COL13A1: variants seen among roughly 807,000 people sequenced by gnomAD.
COL13A1 encodes the protein collagen type XIII alpha 1 chain.
In COL13A1, 89 loss-of-function variants were observed where a neutral mutation model predicts 130.9. The ratio of observed to expected loss-of-function variants is 0.68; its 90% confidence interval spans 0.57 to 0.81. The LOEUF is 0.81. Ranked by LOEUF, COL13A1 falls within the 30% of genes least tolerant of loss-of-function variation. COL13A1 has a pLI of 0.00. For synonymous variants in COL13A1, 402 were observed against 341.6 expected, an observed-to-expected ratio of 1.18 and a Z score of -1.95; for missense variants, 879 against 934.6, an observed-to-expected ratio of 0.94 and a Z score of 0.78.
chr10:69,881,685 A>G (rs1942452097), intron 7 of COL13A1, among the ~76,000 whole-genome samples: 1 of 152,174 alleles, frequency 6.6e-6, no homozygotes, highest in African/African-American at 2.4e-5. Context: ...CATGGCCTTT[A>G]CAGCAAGGTT....
intron 38 of COL13A1, among the ~76,000 whole-genome samples, chr10:69,952,638 G>A (rs1248999496): frequency 5.3e-5 from 8 of 152,188 alleles, no homozygotes; most frequent in Non-Finnish European, 8.8e-5. Flanking sequence ...CCCTGCACCT[G>A]CAGCTCTGAG....
chr10:69,925,863 G>C lies in COL13A1; in HGVS notation c.1389G>C (p.Glu463Asp), dbSNP rs1468525707. 6.3e-7 allele frequency: 1 copy of C among 1,594,378 alleles called. No homozygotes were observed. The highest frequency in any genetic ancestry group is 1.3e-5 in the African/African-American group (1 of 74,482). ...TGGATTACAATGGAAACATCAATGA[G>C]GCTCTCCAGGTGAGCAGGGTCCAGC... The part of the protein sequence containing the change: ...EMVDYNGNIN[E>D]ALQEIRTLAL... Residue 463 changes from glutamate to aspartate, a missense_variant, in exon 26 of 41, where the codon GAG (glutamate) becomes GAC (aspartate). By Grantham distance (45) the Glu-to-Asp change is conservative (BLOSUM62 2). This residue lies in a region of COL13A1 where 715 missense variants were observed against 721.0 expected (regional missense o/e 0.99). Coordinates refer to ENST00000645393, the MANE Select transcript of COL13A1 (RefSeq NM_001368882.1).
intron 34 of COL13A1, 84 bp from the exon 35 acceptor site, chr10:69,940,904 A>G: frequency 6.3e-7 from 1 of 1,578,288 alleles, no homozygotes; most frequent in South Asian, 1.1e-5. Flanking sequence ...TGCTTTACTC[A>G]CCTCTTCCCT....
chr10:69,881,803 T>C (rs1459439270), intron 7 of COL13A1, among the ~76,000 whole-genome samples: 4 of 152,318 alleles, frequency 2.6e-5, no homozygotes, highest in African/African-American at 9.6e-5. Flanking sequence ...AAGGACTCCA[T>C]GACATAGGGA....
intron 23 of COL13A1, among the ~76,000 whole-genome samples, chr10:69,923,315 T>C (rs975904215): frequency 3.9e-5 from 6 of 152,334 alleles, no homozygotes; most frequent in African/African-American, 1.2e-4. Context: ...GCCCTCACTT[T>C]CCTTTTGCTG....
intron 8 of COL13A1, among the ~76,000 whole-genome samples, chr10:69,888,061 A>G (rs1407050514): frequency 2.0e-5 from 3 of 152,178 alleles, no homozygotes; most frequent in East Asian, 1.9e-4. Flanking sequence ...GAGGCCACCC[A>G]TTGGGTTCTC....
rs776252965 is a variant in COL13A1, at chr10:69,927,156, G to C, written c.1422+46G>C. 2.0e-5 allele frequency: 32 copies of C among 1,590,734 alleles called. No homozygotes were observed. The African/African-American group carries it at 3.9e-4, about 19-fold the overall frequency. ...CTTTCCTTGGGCACTGGACGGGGGGGCTGGGGATGGCAGCCTGGAAGCAAG... is the reference window on the plus strand; with the variant it reads ...CTTTCCTTGGGCACTGGACGGGGGGCCTGGGGATGGCAGCCTGGAAGCAAG... On this transcript the variant is annotated intron_variant, in intron 27 of 40. Coordinates refer to ENST00000645393, the MANE Select transcript of COL13A1 (RefSeq NM_001368882.1).
At chr10:69,864,050 C>T (rs569691796) in intron 2 of COL13A1, among the ~76,000 whole-genome samples, 61 of 151,978 alleles carry the variant, frequency 4.0e-4, no homozygotes, top group African/African-American at 1.4e-3. Flanking sequence ...GCCTGGGCAA[C>T]GGAGTGAGAT....
chr10:69,823,194 G>A (rs1028833870), intron 2 of COL13A1, among the ~76,000 whole-genome samples: 4 of 152,148 alleles, frequency 2.6e-5, no homozygotes, highest in South Asian at 2.1e-4. Flanking sequence ...GCAGTGTGTC[G>A]GGTTCAAGTG....
intron 21 of COL13A1, among the ~76,000 whole-genome samples, chr10:69,920,802 G>C (rs1422780920): frequency 6.6e-6 from 1 of 152,192 alleles, no homozygotes; most frequent in Non-Finnish European, 1.5e-5. Context: ...CAGCTGCTCT[G>C]TGAAAAGAAG....
At chr10:69,947,032 C>G (rs915726550) in intron 37 of COL13A1, among the ~76,000 whole-genome samples, 1 of 152,214 alleles carries the variant, frequency 6.6e-6, no homozygotes, top group Non-Finnish European at 1.5e-5. Context: ...TCGTGATCCG[C>G]CCACCTCGGC....
chr10:69,929,046 G>A (rs753866173), intron 28 of COL13A1, 47 bp downstream of exon 28: 28 of 1,471,270 alleles, frequency 1.9e-5, no homozygotes, highest in Non-Finnish European at 2.4e-5. Flanking sequence ...CAAGGGCATC[G>A]ACCCCAGGGC....
chr10:69,813,693 G>A (rs1486846731), intron 1 of COL13A1, among the ~76,000 whole-genome samples: 2 of 152,210 alleles, frequency 1.3e-5, no homozygotes, highest in African/African-American at 4.8e-5. Context: ...TCCAGTTCTG[G>A]TGGGTGTGGG....
chr10:69,922,632 C>T (rs1464404452), intron 22 of COL13A1, 76 bp from the exon 23 acceptor site: 1 of 1,070,508 alleles, frequency 9.3e-7, no homozygotes, highest in African/African-American at 1.6e-5. Context: ...GGGGCCCACA[C>T]CCCATAGTGT....
intron 39 of COL13A1, chr10:69,955,912 A>G (rs919129402): frequency 6.6e-6 from 1 of 152,106 alleles, no homozygotes; most frequent in African/African-American, 2.4e-5. Context: ...GACTTTTACT[A>G]CAAGATAACC....
intron 28 of COL13A1, 120 bp downstream of exon 28, chr10:69,929,119 A>C: frequency 1.3e-6 from 1 of 791,562 alleles, no homozygotes; most frequent in Non-Finnish European, 2.0e-6. Context: ...CTGCTGCTCC[A>C]AGGCACCAGG....
chr10:69,900,948 GA>G (rs2062123825), intron 14 of COL13A1, among the ~76,000 whole-genome samples: 1 of 152,166 alleles, frequency 6.6e-6, no homozygotes. Context: ...AGGAGCTCGG[GA>G]GTTTACTTCA....
intron 7 of COL13A1, among the ~76,000 whole-genome samples, chr10:69,883,363 G>A (rs980383067): frequency 2.0e-5 from 3 of 152,164 alleles, no homozygotes; most frequent in African/African-American, 7.2e-5. Flanking sequence ...CTCTTCTGGG[G>A]CGAGGAGATA....
intron 18 of COL13A1, among the ~76,000 whole-genome samples, chr10:69,917,852 T>G (rs1479512027): frequency 6.6e-6 from 1 of 151,906 alleles, no homozygotes; most frequent in Non-Finnish European, 1.5e-5. Context: ...CCCCTTTACT[T>G]TGTCATCTAT....
Sources: allele counts gnomAD v4.1 joint callset (sites outside exome capture counted in the v4.1 genomes callset), GRCh38; gene constraint gnomAD v4.1.1; regional missense constraint gnomAD v4.1.1; transcripts MANE v1.5; gene names NCBI Gene and HGNC (gene_info 2026-07-23, HGNC 2026-07-21).